The following CNTNAP2 variants were observed in gnomAD, a reference collection of about 807,000 sequenced individuals.
CNTNAP2 encodes the protein contactin-associated protein-like 2.
A neutral mutation model predicts 155.2 loss-of-function variants in CNTNAP2; 98 were observed. The observed-to-expected ratio is 0.63, with a 90% CI of 0.54 to 0.75. The LOEUF (loss-of-function observed/expected upper bound fraction) is 0.75, where lower values mean the gene tolerates loss of function less well. Among genes scored for constraint, CNTNAP2 ranks in the 30% least tolerant of loss-of-function variants. The pLI is 0.00. For missense variants in CNTNAP2, 1,727 were observed against 1,688.1 expected (o/e 1.02, Z -0.40); for synonymous variants, 651 against 631.2 (o/e 1.03, Z -0.47).
At chr7:147,068,436 C>T (rs1210095913) in intron 4 of CNTNAP2, among the ~76,000 whole-genome samples, 1 of 152,198 alleles carries the variant, frequency 6.6e-6, no homozygotes, top group East Asian at 1.9e-4. Flanking sequence ...CAGCTCACTG[C>T]AACCTCCGCC....
chr7:146,861,130 G>A (rs1475164934), intron 3 of CNTNAP2, among the ~76,000 whole-genome samples: 7 of 151,906 alleles, frequency 4.6e-5, no homozygotes, highest in Admixed American at 6.6e-5. Context: ...GTGTGATCTC[G>A]TTTCACTGCA....
chr7:146,990,123 C>G (rs568930029), intron 3 of CNTNAP2, among the ~76,000 whole-genome samples: 2 of 152,176 alleles, frequency 1.3e-5, no homozygotes, highest in South Asian at 2.1e-4. Context: ...CATAGTTACA[C>G]AGATCTAATG....
chr7:147,991,139 C>T (rs1473911178), intron 15 of CNTNAP2, among the ~76,000 whole-genome samples: 2 of 152,232 alleles, frequency 1.3e-5, no homozygotes, highest in South Asian at 2.1e-4. Flanking sequence ...GGACAAAGAC[C>T]AAATTAATGA....
At chr7:147,260,132 G>A (rs566503328) in intron 8 of CNTNAP2, among the ~76,000 whole-genome samples, 2 of 152,336 alleles carry the variant, frequency 1.3e-5, no homozygotes, top group Admixed American at 1.3e-4. Context: ...AAACCTTGAA[G>A]ATGAGGAACG....
chr7:146,542,484 A>G (rs1227956128), intron 1 of CNTNAP2, among the ~76,000 whole-genome samples: 1 of 151,930 alleles, frequency 6.6e-6, no homozygotes, highest in Non-Finnish European at 1.5e-5. Context: ...CAACTGTTCC[A>G]GTAAATCCTC....
intron 15 of CNTNAP2, among the ~76,000 whole-genome samples, chr7:148,048,126 C>T (rs1802809042): frequency 6.6e-6 from 1 of 151,664 alleles, no homozygotes; most frequent in Non-Finnish European, 1.5e-5. Context: ...GGGTTTCACC[C>T]TGTGAGCCAG....
intron 1 of CNTNAP2, among the ~76,000 whole-genome samples, chr7:146,234,522 C>A (rs945529812): frequency 2.0e-5 from 3 of 151,306 alleles, no homozygotes; most frequent in African/African-American, 7.3e-5. Context: ...GTGTTTTAGA[C>A]ATGAAGTCCT....
intron 1 of CNTNAP2, among the ~76,000 whole-genome samples, chr7:146,239,593 G>T (rs1458301733): frequency 2.0e-5 from 3 of 152,144 alleles, no homozygotes; most frequent in African/African-American, 4.8e-5. Flanking sequence ...CCTCAGTGCT[G>T]TGTTATCCTG....
chr7:146,288,845 C>A (rs897107326), intron 1 of CNTNAP2, among the ~76,000 whole-genome samples: 6 of 118,248 alleles, frequency 5.1e-5, no homozygotes, highest in East Asian at 2.4e-4. Flanking sequence ...AGCTTTGTTG[C>A]CCAGGCTGGA....
intron 1 of CNTNAP2, among the ~76,000 whole-genome samples, chr7:146,613,000 C>T (rs1799164286): frequency 6.6e-6 from 1 of 150,838 alleles, no homozygotes; most frequent in African/African-American, 2.4e-5. Flanking sequence ...TTTTTGTCCT[C>T]CCACTCACTA....
At chr7:147,802,103 G>A (rs1798005115) in intron 13 of CNTNAP2, among the ~76,000 whole-genome samples, 2 of 151,040 alleles carry the variant, frequency 1.3e-5, no homozygotes, top group African/African-American at 2.4e-5. Flanking sequence ...CTCAGACGGG[G>A]CGGCCGGGCA....
chr7:146,458,125 C>T (rs879421716), intron 1 of CNTNAP2, among the ~76,000 whole-genome samples: 1 of 152,042 alleles, frequency 6.6e-6, no homozygotes, highest in African/African-American at 2.4e-5. Flanking sequence ...AGGGGAACAA[C>T]ACACACTGGG....
chr7:146,858,442 C>A (rs10234817), intron 3 of CNTNAP2, among the ~76,000 whole-genome samples: 2 of 152,148 alleles, frequency 1.3e-5, no homozygotes, highest in African/African-American at 4.8e-5. Flanking sequence ...GCCTGTAATC[C>A]CAGTACTTTG....
intron 1 of CNTNAP2, among the ~76,000 whole-genome samples, chr7:146,280,729 C>T (rs1800238186): frequency 6.6e-6 from 1 of 152,190 alleles, no homozygotes; most frequent in Admixed American, 6.5e-5. Flanking sequence ...CAGGCATAGA[C>T]ATTTTCAAAG....
intron 13 of CNTNAP2, among the ~76,000 whole-genome samples, chr7:147,739,282 ATGTGTGTGTT>A (rs1390459834): frequency 6.6e-6 from 1 of 151,732 alleles, no homozygotes. Flanking sequence ...ATTATTGTGT[ATGTGTGTGTT>A]TGTGTGTGTT....
intron 8 of CNTNAP2, among the ~76,000 whole-genome samples, chr7:147,151,372 T>C (rs537444304): frequency 9.2e-5 from 14 of 152,144 alleles, no homozygotes; most frequent in Admixed American, 3.3e-4. Flanking sequence ...AATGTTAGGC[T>C]GTGAAAAAAG....
At chr7:147,787,107 T>C (rs1797752415) in intron 13 of CNTNAP2, among the ~76,000 whole-genome samples, 1 of 152,124 alleles carries the variant, frequency 6.6e-6, no homozygotes, top group Non-Finnish European at 1.5e-5. Flanking sequence ...ATGGGAATAG[T>C]GATGCATATG....
chr7:146,739,288 T>C (rs571449118), intron 1 of CNTNAP2, among the ~76,000 whole-genome samples: 8 of 152,120 alleles, frequency 5.3e-5, no homozygotes, highest in Middle Eastern at 3.4e-3. Context: ...CTTCTTAGAA[T>C]GGATAAAGTA....
At chr7:148,096,538 G>C (rs1803976066) in intron 15 of CNTNAP2, among the ~76,000 whole-genome samples, 1 of 151,880 alleles carries the variant, frequency 6.6e-6, no homozygotes, top group Non-Finnish European at 1.5e-5. Flanking sequence ...AAAAAACAGG[G>C]GTGAATATTC....
Sources: gnomAD v4.1 joint callset for allele counts (sites outside exome capture counted in the v4.1 genomes callset) on GRCh38, gnomAD v4.1.1 for gene constraint, MANE v1.5 for transcripts, NCBI Gene and HGNC (gene_info 2026-07-23, HGNC 2026-07-21) for gene names.